RNASET2: variants seen among roughly 807,000 people sequenced by gnomAD.
The protein encoded by RNASET2 is ribonuclease 6.
A neutral mutation model predicts 33.9 loss-of-function variants in RNASET2; 28 were observed. That is an observed-to-expected ratio of 0.83 (90% CI 0.61 to 1.13). RNASET2 has a LOEUF of 1.13. Among genes scored for constraint, RNASET2 ranks in the 50% most tolerant of loss-of-function variants. RNASET2 has a pLI of 0.00. For missense variants in RNASET2, 330 were observed against 319.9 expected, an observed-to-expected ratio of 1.03 and a Z score of -0.24; for synonymous variants, 123 against 121.0, an observed-to-expected ratio of 1.02 and a Z score of -0.11.
chr6:166,947,459 T>C (rs1778876052), intron 3 of RNASET2, among the ~76,000 whole-genome samples: 1 of 152,170 alleles, frequency 6.6e-6, no homozygotes, highest in South Asian at 2.1e-4. Flanking sequence ...TGGACCAGCA[T>C]GTGAAACCTG....
chr6:166,934,942 T>G (rs1778530829), intron 6 of RNASET2: 1 of 152,220 alleles, frequency 6.6e-6, no homozygotes, highest in Non-Finnish European at 1.5e-5. Flanking sequence ...AAAGGTACAC[T>G]GTAAAATTCT....
At position 166,927,655 on chromosome 6, in the gene RNASET2, C is replaced by T. The variant is rs531686086; in HGVS notation, c.*1933G>A. ...GGAAGTCTGTTCAAATTCACCAGCT[C>T]CTCTGGGAATAATGAAGATAAAACC... On this transcript the variant is annotated 3_prime_UTR_variant, in exon 9 of 9. Coordinates refer to ENST00000508775, the MANE Select transcript of RNASET2 (RefSeq NM_003730.6). Among the ~76,000 whole-genome samples the T allele has an allele frequency of 2.1e-5, 3 of 145,396 alleles. No individual in the cohort carries two copies. The highest frequency in any genetic ancestry group is 3.0e-5 in the Non-Finnish European group (2 of 67,472).
At position 166,925,743 on chromosome 6, in the gene RNASET2, G is replaced by A. The variant is rs1006370392; in HGVS notation, c.*3845C>T. Among the ~76,000 whole-genome samples the A allele has an allele frequency of 2.0e-5, 3 of 152,224 alleles. No homozygotes were observed. Among genetic ancestry groups the A allele is most frequent in the Admixed American group, 6.5e-5 (1 of 15,286 alleles). On this transcript the variant is annotated 3_prime_UTR_variant, in exon 9 of 9. Transcript: ENST00000508775. ...CCAGGACTGCAAAAGAACTCTTAACGGCCAACCATGGAACTGGGTGTTGAT... is the reference window on the plus strand; with the variant it reads ...CCAGGACTGCAAAAGAACTCTTAACAGCCAACCATGGAACTGGGTGTTGAT...
At chr6:166,948,873 A>G (rs1483110360) in intron 2 of RNASET2, among the ~76,000 whole-genome samples, 2 of 152,228 alleles carry the variant, frequency 1.3e-5, no homozygotes, top group Non-Finnish European at 2.9e-5. Context: ...TAACAGAAAC[A>G]GCCATTTTTG....
intron 1 of RNASET2, among the ~76,000 whole-genome samples, chr6:166,955,239 G>GCACA (rs771648564): frequency 4.5e-5 from 3 of 66,258 alleles, no homozygotes; most frequent in African/African-American, 6.6e-5. Context: ...ACGCACGCAC[G>GCACA]CACACACACG....
intron 2 of RNASET2, among the ~76,000 whole-genome samples, chr6:166,949,576 T>C (rs1778935489): frequency 6.6e-6 from 1 of 151,894 alleles, no homozygotes; most frequent in Non-Finnish European, 1.5e-5. Flanking sequence ...AAACTGCATT[T>C]TCATTTGTCA....
In RNASET2 at chr6:166,956,289, G is replaced by A. The variant is rs1779165232; in HGVS notation, c.-107C>T. The A allele has an allele frequency of 9.0e-7, 1 of 1,112,110 alleles. No individual in the cohort carries two copies. The highest frequency in any genetic ancestry group is 2.9e-4 in the Middle Eastern group (1 of 3,500). 68.9% of individuals were successfully genotyped at this position (1,112,110 alleles called of 1,614,324 possible). ...AGAAACGCTGTCTCCGAGCCCCCGC[G>A]CCGCCGCGCTCCCTCCGCTGCAGCA... On this transcript the variant is annotated 5_prime_UTR_variant, in exon 1 of 9. Coordinates refer to ENST00000508775, the MANE Select transcript of RNASET2 (RefSeq NM_003730.6).
chr6:166,948,347 G>GAAA (rs551866456), intron 3 of RNASET2: 201 of 504,976 alleles, frequency 4.0e-4, no homozygotes, highest in African/African-American at 1.9e-3. Flanking sequence ...CTCTGTCTCA[G>GAAA]AAAAAAAAAA....
chr6:166,952,838 G>A, intron 1 of RNASET2: 1 of 410,230 alleles, frequency 2.4e-6, no homozygotes, highest in Non-Finnish European at 4.6e-6. Context: ...GTGCAGCCAG[G>A]GAGGGCCTCA....
rs970339055 is a variant in RNASET2 at position 166,929,381 on chromosome 6, A to G, written c.*207T>C. On this transcript the variant is annotated 3_prime_UTR_variant, in exon 9 of 9. Coordinates refer to ENST00000508775, the MANE Select transcript of RNASET2 (RefSeq NM_003730.6). The stretch of plus-strand genomic sequence containing the variant: ...ACAATCTGTGAGCTTTATCCCAAGC[A>G]CAAAACAGCCACTCAGGCGTGGGAG... 1.6e-6 allele frequency: 1 copy of G among 639,548 alleles called. No homozygotes were observed. Among genetic ancestry groups the G allele is most frequent in the Non-Finnish European group, 2.8e-6 (1 of 361,844 alleles). The allele number at this position is 639,548 out of a possible 1,614,324, so 39.6% of individuals were successfully genotyped here. A position where few individuals can be genotyped will look rare whatever the true frequency, so the allele number is the denominator to read the frequency against.
At position 166,924,165 on chromosome 6, in the gene RNASET2, C is replaced by T. The variant is rs191459372; in HGVS notation, c.*5423G>A. On this transcript the variant is annotated 3_prime_UTR_variant, in exon 9 of 9. Transcript: ENST00000508775. ...AGACTGGAGTGCAATGGTGTGATTT[C>T]GGCTCACTGCAACCTCTGCCTCCTG... Among the ~76,000 whole-genome samples, 94 of 152,244 alleles carry T rather than the reference C, an allele frequency of 6.2e-4. 1 individual carries two copies. Among genetic ancestry groups the T allele is most frequent in the Non-Finnish European group, 9.3e-4 (63 of 68,008 alleles).
chr6:166,934,057 G>A, intron 7 of RNASET2, 34 bp downstream of exon 7: 2 of 1,567,982 alleles, frequency 1.3e-6, no homozygotes. Context: ...CCCCGGGAGA[G>A]ACACACGAGA....
At chr6:166,936,969 C>A (rs1778584823) in intron 6 of RNASET2, among the ~76,000 whole-genome samples, 1 of 152,216 alleles carries the variant, frequency 6.6e-6, no homozygotes, top group Non-Finnish European at 1.5e-5. Flanking sequence ...CAGCACTCTG[C>A]AGCAGGGTCA....
At chr6:166,954,170 A>G (rs182181966) in intron 1 of RNASET2, among the ~76,000 whole-genome samples, 1 of 152,228 alleles carries the variant, frequency 6.6e-6, no homozygotes, top group Non-Finnish European at 1.5e-5. Context: ...GAAGCTAAAG[A>G]AAGTCAAAGA....
intron 1 of RNASET2, among the ~76,000 whole-genome samples, chr6:166,955,218 C>G (rs2128648129): frequency 1.2e-5 from 1 of 86,394 alleles, no homozygotes; most frequent in African/African-American, 7.5e-5. Context: ...CGCACGCACA[C>G]ACGCGCACAC....
At position 166,933,717 on chromosome 6, in the gene RNASET2, T is replaced by G; in HGVS notation, c.492+374A>C. 1 of 260,000 alleles carries G rather than the reference T, an allele frequency of 3.8e-6. No homozygotes were observed. Among genetic ancestry groups the G allele is most frequent in the Non-Finnish European group, 7.4e-6 (1 of 135,536 alleles). The allele number at this position is 260,000 out of a possible 1,614,324, so 16.1% of individuals were successfully genotyped here. A position where few individuals can be genotyped will look rare whatever the true frequency, so the allele number is the denominator to read the frequency against. On this transcript the variant is annotated intron_variant, in intron 7 of 8. Coordinates refer to ENST00000508775, the MANE Select transcript of RNASET2 (RefSeq NM_003730.6). The surrounding 1 kb of genome is among the most constrained non-coding windows in gnomAD (Gnocchi z 4.1). ...TTGTCATGCTTAAATATCTATAGTT[T>G]CTTTTATCATAAAACAAATCACAAT...
chr6:166,933,962 T>G lies in RNASET2; in HGVS notation c.492+129A>C, dbSNP rs1778506137. 1.3e-6 allele frequency: 1 copy of G among 778,474 alleles called. No individual in the cohort carries two copies. Among genetic ancestry groups the G allele is most frequent in the Admixed American group, 1.8e-5 (1 of 56,856 alleles). 48.2% of individuals were successfully genotyped at this position (778,474 alleles called of 1,614,324 possible). A position where few individuals can be genotyped will look rare whatever the true frequency, so the allele number is the denominator to read the frequency against. On this transcript the variant is annotated intron_variant, in intron 7 of 8. Coordinates refer to ENST00000508775, the MANE Select transcript of RNASET2 (RefSeq NM_003730.6). This position sits in a 1 kb window ranked among gnomAD's most constrained non-coding sequence, Gnocchi z 4.1. ...AAAATGCAAATAAAATCTGTTCACA[T>G]GATAACATTTAAGTAGGAAGGGGGT...
At chr6:166,938,831 G>C (rs757102853) in intron 6 of RNASET2, 64 bp downstream of exon 6, 36 of 1,173,252 alleles carry the variant, frequency 3.1e-5, no homozygotes, top group Non-Finnish European at 4.4e-5. Flanking sequence ...GGATCCAGCT[G>C]TCAGGCTTGG....
At chr6:166,955,295 G>GACGCGCAC (rs1343240246) in intron 1 of RNASET2, among the ~76,000 whole-genome samples, 3 of 52,328 alleles carry the variant, frequency 5.7e-5, no homozygotes, top group African/African-American at 1.0e-4. Flanking sequence ...CACACGCACA[G>GACGCGCAC]ACGCGCACAC....
Sources: gnomAD v4.1 joint callset for allele counts (sites outside exome capture counted in the v4.1 genomes callset) on GRCh38, gnomAD v4.1.1 for gene constraint, Gnocchi (gnomAD v3.1) non-coding constraint, MANE v1.5 for transcripts, NCBI Gene and HGNC (gene_info 2026-07-23, HGNC 2026-07-21) for gene names.